Variants in ARAP2 observed in about 807,000 individuals in gnomAD.
The protein encoded by ARAP2 is ArfGAP with RhoGAP domain, ankyrin repeat and PH domain 2.
Under a neutral mutation model 194.5 loss-of-function variants are expected in ARAP2, and 148 were observed. The observed-to-expected ratio is 0.76, with a 90% CI of 0.67 to 0.87. The LOEUF is 0.87. ARAP2 is among the 40% of genes least tolerant of loss of function. The pLI is 0.00. For missense variants in ARAP2, 2,128 were observed against 1,989.7 expected, an observed-to-expected ratio of 1.07 and a Z score of -1.32; for synonymous variants, 695 against 683.5, an observed-to-expected ratio of 1.02 and a Z score of -0.26.
At chr4:36,069,301 C>A (rs1227343219) in intron 32 of ARAP2, among the ~76,000 whole-genome samples, 3 of 151,998 alleles carry the variant, frequency 2.0e-5, no homozygotes, top group African/African-American at 7.2e-5. Flanking sequence ...ACATCTTAAG[C>A]TATATACATT....
intron 28 of ARAP2, among the ~76,000 whole-genome samples, chr4:36,087,499 G>A (rs1339063305): frequency 1.3e-5 from 2 of 151,976 alleles, no homozygotes; most frequent in Non-Finnish European, 2.9e-5. Context: ...TGCCTACCAG[G>A]TTATATAAGT....
rs755763052 is a variant in ARAP2 at position 36,158,836 on chromosome 4, C to T, written c.2646G>A (p.Glu882=). ...GGGAAGACTCTTGACTTAATACACCCTCGGAATGAATATCATGTTGAGGGA... is the reference window on the plus strand; with the variant it reads ...GGGAAGACTCTTGACTTAATACACCTTCGGAATGAATATCATGTTGAGGGA... ...SDFPQHDIHS[E]GVLSQESSQS... is the part of the protein sequence containing the mutation. Residue 882 remains glutamate (E), a synonymous_variant, in exon 15 of 33, where the codon GAG becomes GAA. Transcript: ENST00000303965. The T allele has an allele frequency of 6.2e-7, 1 of 1,603,894 alleles. No individual in the cohort carries two copies. Among genetic ancestry groups the T allele is most frequent in the Non-Finnish European group, 8.5e-7 (1 of 1,177,226 alleles).
At chr4:36,122,234 A>T (rs1227913306) in intron 22 of ARAP2, among the ~76,000 whole-genome samples, 2 of 151,826 alleles carry the variant, frequency 1.3e-5, no homozygotes, top group South Asian at 4.1e-4. Context: ...CTAAAGACAG[A>T]AATATCATTC....
intron 8 of ARAP2, among the ~76,000 whole-genome samples, chr4:36,182,224 G>A (rs1167708428): frequency 6.6e-6 from 1 of 152,188 alleles, no homozygotes; most frequent in Non-Finnish European, 1.5e-5. Context: ...CGGGCATGGT[G>A]GCTCACGCCT....
In ARAP2 at chr4:36,033,493, CGT is replaced by C. The variant is rs1491297257; in HGVS notation, n.607+12484_607+12485del. On this transcript the variant is annotated intron_variant and non_coding_transcript_variant, in intron 5 of 12. Coordinates refer to the ARAP2 transcript ENST00000503225. Reference sequence around the variant, plus strand: ...TCCTTTGCCAACTTTTCAATGGGGTCGTTTTTTTTTTTCTTGTAAATTGGATT... The same window carrying C: ...TCCTTTGCCAACTTTTCAATGGGGTCTTTTTTTTTTCTTGTAAATTGGATT... 4.6e-4 allele frequency among the ~76,000 whole-genome samples: 30 copies of C among 65,430 alleles called. 1 individual carries two copies. The East Asian group carries it at 0.013, about 28-fold the overall frequency. 42.9% of individuals were successfully genotyped at this position (65,430 alleles called of 152,430 possible).
chr4:36,239,019 A>AT (rs773910204), intron 1 of ARAP2, among the ~76,000 whole-genome samples: 7 of 152,316 alleles, frequency 4.6e-5, no homozygotes, highest in Non-Finnish European at 8.8e-5. Context: ...CACGCCTGTA[A>AT]TCCCCATACA....
At chr4:36,141,188 G>C (rs78299026) in intron 19 of ARAP2, among the ~76,000 whole-genome samples, 1,650 of 151,680 alleles carry the variant, frequency 0.011, 24 homozygotes, top group Non-Finnish European at 0.018. Flanking sequence ...AATGCCTTCT[G>C]CCTTCCTGGT....
chr4:36,176,218 C>T (rs1737876099), intron 9 of ARAP2, among the ~76,000 whole-genome samples: 1 of 107,800 alleles, frequency 9.3e-6, no homozygotes, highest in African/African-American at 3.4e-5. Flanking sequence ...ACTTAATCCT[C>T]ATTTTCCTCA....
intron 6 of ARAP2, among the ~76,000 whole-genome samples, chr4:36,202,507 G>C (rs949795400): frequency 2.7e-5 from 4 of 150,824 alleles, no homozygotes; most frequent in Non-Finnish European, 4.4e-5. Flanking sequence ...AAAAAAAAAA[G>C]GTACTCAACA....
chr4:36,070,769 T>C (rs1022279047), intron 32 of ARAP2, among the ~76,000 whole-genome samples: 2 of 152,240 alleles, frequency 1.3e-5, no homozygotes, highest in African/African-American at 4.8e-5. Context: ...AATCTTCATG[T>C]TGTAAAATAC....
At chr4:36,125,878 A>G (rs1187063469) in intron 21 of ARAP2, among the ~76,000 whole-genome samples, 1 of 151,988 alleles carries the variant, frequency 6.6e-6, no homozygotes, top group Non-Finnish European at 1.5e-5. Context: ...TGGAAACAAG[A>G]CGATTTTATT....
At chr4:36,017,139 T>C (rs1254059725) in intron 6 of ARAP2, among the ~76,000 whole-genome samples, 1 of 151,662 alleles carries the variant, frequency 6.6e-6, no homozygotes, top group Non-Finnish European at 1.5e-5. Flanking sequence ...ATAATTTTCA[T>C]GAAACTCATA....
intron 5 of ARAP2, among the ~76,000 whole-genome samples, chr4:36,039,077 A>G (rs1206590075): frequency 6.6e-6 from 1 of 152,098 alleles, no homozygotes; most frequent in Non-Finnish European, 1.5e-5. Flanking sequence ...TGAAGGAGTA[A>G]AAGGAGAATT....
downstream of ARAP2, among the ~76,000 whole-genome samples, chr4:36,062,151 G>A (rs1724550218): frequency 6.6e-6 from 1 of 152,166 alleles, no homozygotes; most frequent in South Asian, 2.1e-4. Flanking sequence ...TTAACCTGAT[G>A]TGATCCCATT....
intron 26 of ARAP2, among the ~76,000 whole-genome samples, chr4:36,110,620 C>T (rs1285365852): frequency 1.3e-5 from 2 of 151,752 alleles, no homozygotes. Context: ...TCTAACTCAG[C>T]TTAATGTATA....
Position 36,213,285 on chromosome 4 carries a change from A to C in ARAP2, c.999T>G (p.Pro333=), listed in dbSNP as rs753331454. 1.1e-5 allele frequency: 18 copies of C among 1,608,754 alleles called. No homozygotes were observed. Among genetic ancestry groups the C allele is most frequent in the Non-Finnish European group, 1.5e-5 (18 of 1,175,504 alleles). Residue 333 remains proline, a synonymous_variant, in exon 4 of 33, where the codon CCT becomes CCG. Coordinates refer to ENST00000303965, the MANE Select transcript of ARAP2 (RefSeq NM_015230.4). The stretch of plus-strand genomic sequence containing the variant: ...TCTGGAAGAGAAAGGTCTCTCCATA[A>C]GGAAAGATGGAAGATGAATTCTCCT... ...SNEENSSSIF[P]YGETFLFQRL...
intron 8 of ARAP2, among the ~76,000 whole-genome samples, chr4:36,178,938 A>G (rs1738597345): frequency 6.6e-6 from 1 of 152,186 alleles, no homozygotes; most frequent in Non-Finnish European, 1.5e-5. Flanking sequence ...GGAAGAGGGA[A>G]GAGAATAGGA....
At chr4:36,179,757 C>T (rs567858057) in intron 8 of ARAP2, among the ~76,000 whole-genome samples, 1 of 152,194 alleles carries the variant, frequency 6.6e-6, no homozygotes, top group Non-Finnish European at 1.5e-5. Context: ...TGCCCAGTGA[C>T]TTCATTATGG....
chr4:36,070,026 C>A (rs892424417), intron 32 of ARAP2, among the ~76,000 whole-genome samples: 1 of 152,048 alleles, frequency 6.6e-6, no homozygotes, highest in Non-Finnish European at 1.5e-5. Context: ...TAAGGCTTCC[C>A]GAGAAGCCAA....
Sources: gnomAD v4.1 joint callset for allele counts (sites outside exome capture counted in the v4.1 genomes callset) on GRCh38, gnomAD v4.1.1 for gene constraint, MANE v1.5 for transcripts, NCBI Gene and HGNC (gene_info 2026-07-23, HGNC 2026-07-21) for gene names.